The following EEA1 variants were observed in gnomAD, a reference collection of about 807,000 sequenced individuals.
The protein encoded by EEA1 is early endosome antigen 1, 162kD.
A neutral mutation model predicts 209.2 loss-of-function variants in EEA1; 111 were observed. The ratio of observed to expected loss-of-function variants is 0.53; its 90% CI spans 0.45 to 0.62. The LOEUF (loss-of-function observed/expected upper bound fraction) is 0.62. Ranked by LOEUF, EEA1 falls within the 20% of genes least tolerant of loss-of-function variation. EEA1 has a pLI of 0.00. For missense variants in EEA1, 1,343 were observed against 1,530.8 expected (o/e 0.88, Z 2.05); for synonymous variants, 536 against 540.6 (o/e 0.99, Z 0.12).
At chr12:92,848,905 T>C (rs757129774) in intron 9 of EEA1, among the ~76,000 whole-genome samples, 2 of 151,928 alleles carry the variant, frequency 1.3e-5, no homozygotes, top group Non-Finnish European at 2.9e-5. Context: ...GCTAACTTTC[T>C]ATAGAGACAG....
chr12:92,856,021 A>G (rs116572521), intron 5 of EEA1, among the ~76,000 whole-genome samples: 1,635 of 152,328 alleles, frequency 0.011, 29 homozygotes, highest in African/African-American at 0.038. Context: ...AAGACTGATT[A>G]TCTTGTCATT....
rs7301475 is a variant in EEA1, at chr12:92,911,183, T to C, written c.24+17860A>G. 6.8e-3 allele frequency among the ~76,000 whole-genome samples: 1,035 copies of C among 152,272 alleles called. 11 individuals are homozygous for C. The highest frequency in any genetic ancestry group is 0.024 in the African/African-American group (986 of 41,532). On this transcript the variant is annotated intron_variant, in intron 1 of 28. Transcript: ENST00000322349. ...TTCTGTCCACACCAAAACGTGGACA[T>C]AGAAGTTTAAAGTAGCTTTATTCAT... is the stretch of plus-strand genomic sequence containing the variant.
intron 18 of EEA1, among the ~76,000 whole-genome samples, chr12:92,808,228 G>T (rs187602971): frequency 1.3e-3 from 204 of 152,200 alleles, no homozygotes; most frequent in African/African-American, 4.8e-3. Context: ...GATAAGGAAG[G>T]TATTGACTAG....
intron 1 of EEA1, among the ~76,000 whole-genome samples, chr12:92,928,341 T>C (rs761018943): frequency 6.6e-6 from 1 of 152,210 alleles, no homozygotes; most frequent in African/African-American, 2.4e-5. Flanking sequence ...AAACTAAGTG[T>C]ATATACCACT....
At chr12:92,835,445 T>C (rs1876883683) in intron 10 of EEA1, 1 of 281,376 alleles carries the variant, frequency 3.6e-6, no homozygotes, top group African/African-American at 2.7e-5. Context: ...GGAGTCTCGC[T>C]CTGTCGCCCA....
intron 10 of EEA1, 56 bp from the exon 11 acceptor site, chr12:92,832,906 TTACTCAAACAATCTTTGGAGCAG>T: frequency 1.6e-6 from 2 of 1,282,846 alleles, no homozygotes; most frequent in South Asian, 1.5e-5. Context: ...ATTACTCCAA[TTACTCAAACAATCTTTGGAGCAG>T]TACTGTCTCC....
At chr12:92,806,994 G>A (rs1399557970) in intron 18 of EEA1, among the ~76,000 whole-genome samples, 1 of 151,402 alleles carries the variant, frequency 6.6e-6, no homozygotes, top group East Asian at 1.9e-4. Context: ...TTGGAGTGCA[G>A]TGGCACTGGA....
chr12:92,795,918 C>T (rs998748013), intron 21 of EEA1, among the ~76,000 whole-genome samples: 1 of 152,026 alleles, frequency 6.6e-6, no homozygotes, highest in African/African-American at 2.4e-5. Context: ...TCTGTGAAGT[C>T]TCAATAATGG....
In EEA1 at chr12:92,774,375, A is replaced by G. The variant is rs1592694845; in HGVS notation, c.*1636T>C. On this transcript the variant is annotated 3_prime_UTR_variant, in exon 29 of 29. Coordinates refer to ENST00000322349, the MANE Select transcript of EEA1 (RefSeq NM_003566.4). ...ATATGTAGTGATCTCTTTAGTTTACATACACTGTAGGTATAGCATGAATAT... is the reference window on the plus strand; with the variant it reads ...ATATGTAGTGATCTCTTTAGTTTACGTACACTGTAGGTATAGCATGAATAT... 1 of 151,522 alleles carries G rather than the reference A, an allele frequency of 6.6e-6. No individual in the cohort carries two copies. Among genetic ancestry groups the G allele is most frequent in the Admixed American group, 6.6e-5 (1 of 15,168 alleles). The allele number at this position is 151,522 out of a possible 1,614,324, so 9.4% of individuals were successfully genotyped here. A position where few individuals can be genotyped will look rare whatever the true frequency, so the allele number is the denominator to read the frequency against.
At chr12:92,863,946 ATAATT>A (rs1402869846) in intron 3 of EEA1, among the ~76,000 whole-genome samples, 3 of 152,376 alleles carry the variant, frequency 2.0e-5, no homozygotes, top group Admixed American at 6.5e-5. Flanking sequence ...CATTTATAAT[ATAATT>A]TAACTACATG....
At chr12:92,870,829 A>C in intron 2 of EEA1, among the ~76,000 whole-genome samples, 1 of 152,014 alleles carries the variant, frequency 6.6e-6, no homozygotes, top group African/African-American at 2.4e-5. Flanking sequence ...GGCACATGCC[A>C]CCACACCCAG....
chr12:92,883,790 C>G (rs1333097013), intron 2 of EEA1: 1 of 1,535,230 alleles, frequency 6.5e-7, no homozygotes, highest in Admixed American at 1.7e-5. Flanking sequence ...AAGTCAGAGT[C>G]TCCTAAAGAG....
intron 2 of EEA1, among the ~76,000 whole-genome samples, chr12:92,891,207 C>A (rs1198518402): frequency 6.6e-6 from 1 of 151,636 alleles, no homozygotes; most frequent in African/African-American, 2.4e-5. Context: ...AATATAATGT[C>A]TTTAATATCA....
At position 92,771,265 on chromosome 12, in the gene EEA1, G is replaced by GT. The variant is rs2136640549; in HGVS notation, c.*4745_*4746insA. ...GTAAATTTATCAAATTTGGCTGCAA[G>GT]ACAACTGAAGCCTTAGCTGATTTTG... On this transcript the variant is annotated 3_prime_UTR_variant, in exon 29 of 29. Transcript: ENST00000322349. 1 of 152,218 alleles carries GT rather than the reference G, an allele frequency of 6.6e-6. No homozygotes were observed. Among genetic ancestry groups the GT allele is most frequent in the Non-Finnish European group, 1.5e-5 (1 of 67,972 alleles). The allele number at this position is 152,218 out of a possible 1,614,324, so 9.4% of individuals were successfully genotyped here. A position where few individuals can be genotyped will look rare whatever the true frequency, so the allele number is the denominator to read the frequency against.
At chr12:92,804,651 T>C (rs897189095) in intron 18 of EEA1, among the ~76,000 whole-genome samples, 2 of 150,420 alleles carry the variant, frequency 1.3e-5, no homozygotes, top group African/African-American at 2.5e-5. Context: ...AACATACTTA[T>C]AACCTACACA....
rs1489901292 is a variant in EEA1 at position 92,801,701 on chromosome 12, C to T, written c.2671G>A (p.Glu891Lys). Reference sequence around the variant, plus strand: ...TGCTTTAATTCTTTGCAAGTTTTTTCCTTAAAAAAAATGAAAACTATATTA... The same window carrying T: ...TGCTTTAATTCTTTGCAAGTTTTTTTCTTAAAAAAAATGAAAACTATATTA... ...QKGKAAILDL[E>K]KTCKELKHQL... is the part of the protein sequence containing the mutation. Residue 891 changes from glutamate to lysine, a missense_variant and splice_region_variant, in exon 20 of 29, where the codon GAA becomes AAA. Coordinates refer to ENST00000322349, the MANE Select transcript of EEA1 (RefSeq NM_003566.4). 6.4e-7 allele frequency: 1 copy of T among 1,564,172 alleles called. No individual in the cohort carries two copies. The highest frequency in any genetic ancestry group is 1.9e-5 in the Admixed American group (1 of 51,318).
At chr12:92,871,587 A>G (rs1032120598) in intron 2 of EEA1, among the ~76,000 whole-genome samples, 3 of 152,258 alleles carry the variant, frequency 2.0e-5, no homozygotes, top group African/African-American at 7.2e-5. Flanking sequence ...TTTATAAAAC[A>G]AGACAATGCA....
intron 9 of EEA1, among the ~76,000 whole-genome samples, chr12:92,845,146 T>C (rs1178308843): frequency 4.6e-5 from 7 of 152,076 alleles, no homozygotes; most frequent in Non-Finnish European, 2.9e-5. Flanking sequence ...AATTTGGATA[T>C]TGTGAAAACT....
At chr12:92,921,594 T>A (rs1414895179) in intron 1 of EEA1, among the ~76,000 whole-genome samples, 1 of 96,778 alleles carries the variant, frequency 1.0e-5, no homozygotes, top group Non-Finnish European at 2.0e-5. Context: ...CTCTGGGGAC[T>A]GTGGTGGGGT....
Sources: allele counts gnomAD v4.1 joint callset (sites outside exome capture counted in the v4.1 genomes callset), GRCh38; gene constraint gnomAD v4.1.1; transcripts MANE v1.5; gene names NCBI Gene and HGNC (gene_info 2026-07-23, HGNC 2026-07-21).